The following BTAF1 variants were observed in gnomAD, a reference collection of about 807,000 sequenced individuals.
BTAF1 encodes B-TFIID TATA-box binding protein associated factor 1, also known as TATA-binding protein-associated factor 172.
A neutral mutation model predicts 227.1 loss-of-function variants in BTAF1; 38 were observed. That is an observed-to-expected ratio of 0.17 (90% CI 0.13 to 0.22). The LOEUF (loss-of-function observed/expected upper bound fraction) is 0.22. Among genes scored for constraint, BTAF1 ranks in the 10% least tolerant of loss-of-function variants. The pLI is 1.00. For synonymous variants in BTAF1, 742 were observed against 751.9 expected (o/e 0.99, Z 0.21); for missense variants, 1,598 against 2,204.0 (o/e 0.73, Z 5.51).
intron 28 of BTAF1, among the ~76,000 whole-genome samples, chr10:92,010,493 C>T (rs1370865315): frequency 3.9e-5 from 6 of 152,170 alleles, no homozygotes; most frequent in Non-Finnish European, 7.3e-5. Flanking sequence ...CCTCCCCTTA[C>T]ATAACTTATT....
rs758348598 is a variant in BTAF1 at position 91,924,108 on chromosome 10, C to G, written c.14+18C>G. The G allele has an allele frequency of 3.1e-6, 5 of 1,606,164 alleles. No individual in the cohort carries two copies. The highest frequency in any genetic ancestry group is 3.4e-6 in the Non-Finnish European group (4 of 1,177,230). The stretch of plus-strand genomic sequence containing the variant: ...GTCTCCAGGTGGGTCTTGCTCCTGA[C>G]GAGCAAACTGGAAGGCGATTCAGGG... On this transcript the variant is annotated intron_variant, in intron 1 of 37. Transcript: ENST00000265990.
rs1264050961 is a variant in BTAF1, at chr10:92,011,492, T to C, written c.4311+77T>C. Reference sequence around the variant, plus strand: ...TTTGCCAGGTGGAGGGTAGGCTTGGTATTTGGCGGTGAATTAAAGAAGATT... The same window carrying C: ...TTTGCCAGGTGGAGGGTAGGCTTGGCATTTGGCGGTGAATTAAAGAAGATT... On this transcript the variant is annotated intron_variant, in intron 30 of 37. Transcript: ENST00000265990. 6.3e-6 allele frequency: 4 copies of C among 639,598 alleles called. No homozygotes were observed. The East Asian group carries it at 1.8e-4, about 29-fold the overall frequency. The allele number at this position is 639,598 out of a possible 1,614,324, so 39.6% of individuals were successfully genotyped here. A position where few individuals can be genotyped will look rare whatever the true frequency, so the allele number is the denominator to read the frequency against.
chr10:91,959,246 G>A, intron 9 of BTAF1, 92 bp downstream of exon 9: 2 of 1,581,122 alleles, frequency 1.3e-6, no homozygotes, highest in Non-Finnish European at 8.6e-7. Flanking sequence ...CCGTGAAGTA[G>A]GAATGAGAGG....
intron 1 of BTAF1, among the ~76,000 whole-genome samples, chr10:91,931,132 C>A (rs997801989): frequency 1.3e-5 from 2 of 152,132 alleles, no homozygotes; most frequent in Non-Finnish European, 2.9e-5. Context: ...ATAATGCAAA[C>A]ATCTGGAGAG....
chr10:92,024,406 C>T (rs1040232097), intron 34 of BTAF1, among the ~76,000 whole-genome samples: 8 of 151,974 alleles, frequency 5.3e-5, no homozygotes, highest in Admixed American at 2.6e-4. Flanking sequence ...ACTTCTGGGC[C>T]GGGTGTGGTG....
At chr10:91,938,506 C>A (rs1056827599) in intron 2 of BTAF1, among the ~76,000 whole-genome samples, 1 of 152,124 alleles carries the variant, frequency 6.6e-6, no homozygotes, top group Non-Finnish European at 1.5e-5. Context: ...ATCCCACCAC[C>A]GTTTGTTGAA....
rs1491106019 is a variant in BTAF1 at position 92,029,741 on chromosome 10, ACT to A, written c.*809_*810del. On this transcript the variant is annotated 3_prime_UTR_variant, in exon 38 of 38. Transcript: ENST00000265990. ...ACAGTTTTCCAGAAATAGATTTTAC[ACT>A]GTTTAGAATTCCAACACCTACAGTG... The A allele has an allele frequency of 6.6e-6, 1 of 152,080 alleles. No homozygotes were observed. The highest frequency in any genetic ancestry group is 2.4e-5 in the African/African-American group (1 of 41,424). 9.4% of individuals were successfully genotyped at this position (152,080 alleles called of 1,614,324 possible). A position where few individuals can be genotyped will look rare whatever the true frequency, so the allele number is the denominator to read the frequency against.
intron 14 of BTAF1, among the ~76,000 whole-genome samples, chr10:91,978,813 T>TG (rs1491192280): frequency 1.2e-5 from 1 of 80,372 alleles, no homozygotes; most frequent in Non-Finnish European, 2.4e-5. Flanking sequence ...ATTTATGGCT[T>TG]GTTTTTTTTT....
At chr10:91,940,163 C>T (rs1844890780) in intron 3 of BTAF1, 97 bp downstream of exon 3, 1 of 656,232 alleles carries the variant, frequency 1.5e-6, no homozygotes, top group South Asian at 2.3e-5. Flanking sequence ...ATTTTAAAGT[C>T]TTAATTTCCA....
In BTAF1 at chr10:92,030,670, TA is replaced by T. The variant is rs1378626270; in HGVS notation, c.*1740del. 6.6e-6 allele frequency among the ~76,000 whole-genome samples: 1 copy of T among 152,164 alleles called. No individual in the cohort carries two copies. The highest frequency in any genetic ancestry group is 1.5e-5 in the Non-Finnish European group (1 of 68,004). On this transcript the variant is annotated 3_prime_UTR_variant, in exon 38 of 38. Transcript: ENST00000265990. Reference sequence around the variant, plus strand: ...CTAGAAGTCAGATATTTAGGCTGTTTAAACTTTCTGAGAGTTTAATCAAAAG... The same window carrying T: ...CTAGAAGTCAGATATTTAGGCTGTTTAACTTTCTGAGAGTTTAATCAAAAG...
intron 6 of BTAF1, among the ~76,000 whole-genome samples, chr10:91,956,204 T>C (rs1369383191): frequency 6.6e-6 from 1 of 152,164 alleles, no homozygotes; most frequent in East Asian, 1.9e-4. Flanking sequence ...ATGCAGGTTA[T>C]ATGCAGGTTA....
At chr10:91,979,309 T>C (rs1847919787) in intron 14 of BTAF1, among the ~76,000 whole-genome samples, 1 of 152,214 alleles carries the variant, frequency 6.6e-6, no homozygotes, top group Admixed American at 6.5e-5. Context: ...TATGATATAA[T>C]GATTTATATT....
At chr10:91,956,905 G>A (rs554413701) in intron 7 of BTAF1, among the ~76,000 whole-genome samples, 5 of 151,958 alleles carry the variant, frequency 3.3e-5, no homozygotes, top group Non-Finnish European at 7.4e-5. Context: ...TAGGAGAATC[G>A]CTTGAACCCG....
intron 4 of BTAF1, among the ~76,000 whole-genome samples, chr10:91,947,390 T>G (rs1313676712): frequency 6.6e-6 from 1 of 152,146 alleles, no homozygotes; most frequent in African/African-American, 2.4e-5. Context: ...TGTATATGTT[T>G]TGAGGTTAAG....
intron 1 of BTAF1, among the ~76,000 whole-genome samples, chr10:91,930,832 A>G (rs986553760): frequency 1.3e-5 from 2 of 152,236 alleles, no homozygotes; most frequent in Non-Finnish European, 2.9e-5. Context: ...TAAAAAATGT[A>G]TAACTAAATG....
Position 91,996,561 on chromosome 10 carries a change from G to A in BTAF1, c.3502G>A (p.Ala1168Thr). Residue 1168 changes from alanine (A) to threonine (T), a missense_variant, in exon 24 of 38, where the codon GCA (alanine) becomes ACA (threonine). By Grantham distance (58) the Ala-to-Thr change is moderately conservative. Around this residue, in one of 10 missense-constraint regions of BTAF1, gnomAD observed 425 missense variants for 491.2 expected, o/e 0.87. Coordinates refer to ENST00000265990, the MANE Select transcript of BTAF1 (RefSeq NM_003972.3). ...TGTCAAACAAGAGGGTGCAATTGAA[G>A]CACTTGCCTGTATCCTTTTTCATTT... The part of the protein sequence containing the change: ...DSVKQEGAIE[A>T]LACVMEQLDV... 6.2e-7 allele frequency: 1 copy of A among 1,613,988 alleles called. No individual in the cohort carries two copies.
rs752414138 is a variant in BTAF1, at chr10:91,981,749, C to T, written c.1862C>T (p.Pro621Leu). 1 of 1,613,640 alleles carries T rather than the reference C, an allele frequency of 6.2e-7. No homozygotes were observed. Among genetic ancestry groups the T allele is most frequent in the Non-Finnish European group, 8.5e-7 (1 of 1,179,794 alleles). ...LCLMMQPSHLPIDLNMLLEVK... is the reference protein window; with the variant it reads ...LCLMMQPSHLLIDLNMLLEVK... ...TTGATGATGCAGCCTTCTCATTTAC[C>T]TATCGATTTAAATATGTTGCTAGAA... Residue 621 changes from proline to leucine, a missense_variant, in exon 16 of 38, where the codon CCT (proline) becomes CTT (leucine). Transcript: ENST00000265990.
At chr10:92,013,873 G>A in intron 31 of BTAF1, 26 bp from the exon 32 acceptor site, 1 of 1,612,652 alleles carries the variant, frequency 6.2e-7, no homozygotes. Flanking sequence ...CTTTTTTGAA[G>A]CCATTTTCTC....
At position 92,029,764 on chromosome 10, in the gene BTAF1, C is replaced by T. The variant is rs1851773809; in HGVS notation, c.*831C>T. ...ACACTGTTTAGAATTCCAACACCTA[C>T]AGTGGAAAGACTGTTTATTGTAGTA... is the stretch of plus-strand genomic sequence containing the variant. On this transcript the variant is annotated 3_prime_UTR_variant, in exon 38 of 38. Coordinates refer to ENST00000265990, the MANE Select transcript of BTAF1 (RefSeq NM_003972.3). The T allele has an allele frequency of 6.6e-6, 1 of 152,186 alleles. No individual in the cohort carries two copies. Among genetic ancestry groups the T allele is most frequent in the African/African-American group, 2.4e-5 (1 of 41,418 alleles). The allele number at this position is 152,186 out of a possible 1,614,324, so 9.4% of individuals were successfully genotyped here.
Sources: allele counts gnomAD v4.1 joint callset (sites outside exome capture counted in the v4.1 genomes callset), GRCh38; gene constraint gnomAD v4.1.1; regional missense constraint gnomAD v4.1.1; transcripts MANE v1.5; gene names NCBI Gene and HGNC (gene_info 2026-07-23, HGNC 2026-07-21).